PDE7B: variants seen among roughly 807,000 people sequenced by gnomAD.
PDE7B encodes phosphodiesterase 7B, also known as 3',5'-cyclic-AMP phosphodiesterase 7B.
A neutral mutation model predicts 56.2 loss-of-function variants in PDE7B; 29 were observed. The ratio of observed to expected loss-of-function variants is 0.52; its 90% CI spans 0.38 to 0.70. The LOEUF is 0.70. Ranked by LOEUF, PDE7B falls within the 30% of genes least tolerant of loss-of-function variation. The pLI, the probability that PDE7B is intolerant of heterozygous loss-of-function variation, is 0.00. For synonymous variants in PDE7B, 197 were observed against 196.9 expected (o/e 1.00, Z 0.00); for missense variants, 490 against 565.0 (o/e 0.87, Z 1.35).
chr6:136,039,860 G>A (rs574560327), intron 2 of PDE7B, among the ~76,000 whole-genome samples: 3 of 152,226 alleles, frequency 2.0e-5, no homozygotes, highest in South Asian at 4.2e-4. Context: ...ATTTTACTCT[G>A]ACACTTCAAC....
chr6:136,147,365 G>C lies in PDE7B; in HGVS notation c.181G>C (p.Gly61Arg), dbSNP rs768406151. The C allele has an allele frequency of 6.2e-7, 1 of 1,612,160 alleles. No individual in the cohort carries two copies. The highest frequency in any genetic ancestry group is 8.5e-7 in the Non-Finnish European group (1 of 1,178,574). The change falls in exon 4 of 13, where the codon GGG becomes CGG. Residue 61 changes from glycine (G) to arginine (R), a missense_variant. Physicochemically the swap from Gly to Arg is moderately radical, Grantham distance 125. Transcript: ENST00000308191. ...FRLLNSTTYS[G>R]EIGTKKKVKR... is the part of the protein sequence containing the mutation. ...ACTTTCCACAGGTACAACATACTCAGGGGAGATTGGCACCAAGAAAAAGGT... is the reference window on the plus strand; with the variant it reads ...ACTTTCCACAGGTACAACATACTCACGGGAGATTGGCACCAAGAAAAAGGT...
At chr6:135,965,014 G>A (rs562824037) in intron 2 of PDE7B, among the ~76,000 whole-genome samples, 18 of 152,226 alleles carry the variant, frequency 1.2e-4, no homozygotes, top group East Asian at 9.7e-4. Flanking sequence ...GGTGGCGTGC[G>A]CCTATAATCC....
At chr6:136,040,459 A>T (rs1355642323) in intron 2 of PDE7B, among the ~76,000 whole-genome samples, 2 of 152,038 alleles carry the variant, frequency 1.3e-5, no homozygotes, top group Admixed American at 1.3e-4. Context: ...TTCCTTACTC[A>T]TCCTATTCCT....
intron 2 of PDE7B, among the ~76,000 whole-genome samples, chr6:135,956,947 T>A (rs1774807424): frequency 6.6e-6 from 1 of 151,954 alleles, no homozygotes; most frequent in Non-Finnish European, 1.5e-5. Flanking sequence ...GTGGAGGATA[T>A]GACAGTACCT....
chr6:135,983,725 G>A (rs1031276438), intron 2 of PDE7B, among the ~76,000 whole-genome samples: 3 of 152,184 alleles, frequency 2.0e-5, no homozygotes, highest in Admixed American at 1.3e-4. Context: ...ATTCTCTGCA[G>A]TCTATGTAAG....
At position 136,090,430 on chromosome 6, in the gene PDE7B, A is replaced by G. The variant is rs1021060253; in HGVS notation, c.83-18301A>G. Among the ~76,000 whole-genome samples the G allele has an allele frequency of 2.0e-5, 3 of 152,356 alleles. No individual in the cohort carries two copies. The East Asian group carries it at 5.8e-4, about 29-fold the overall frequency. On this transcript the variant is annotated intron_variant, in intron 2 of 12. Coordinates refer to ENST00000308191, the MANE Select transcript of PDE7B (RefSeq NM_018945.4). ...ATGGCTTCCCAGATGCTATTAAAAT[A>G]GGCTTTGCATCATGACCTGGTTTTT...
Position 136,172,947 on chromosome 6 carries a change from G to A in PDE7B, c.712-850G>A, listed in dbSNP as rs796292709. ...AATACCTAGGAATCCAACTTACAAG[G>A]GACGTGAAGGACCTCTTCAAGGAGA... On this transcript the variant is annotated intron_variant, in intron 8 of 12. Transcript: ENST00000308191. Among the ~76,000 whole-genome samples, 34 of 151,946 alleles carry A rather than the reference G, an allele frequency of 2.2e-4. No homozygotes were observed. The East Asian group carries it at 4.6e-3, about 21-fold the overall frequency.
chr6:136,155,666 C>T lies in PDE7B; in HGVS notation c.619C>T (p.Leu207=), dbSNP rs747972812. The T allele has an allele frequency of 6.2e-7, 1 of 1,613,534 alleles. No homozygotes were observed. Among genetic ancestry groups the T allele is most frequent in the Non-Finnish European group, 8.5e-7 (1 of 1,179,518 alleles). The change falls in exon 8 of 13, where the codon CTG becomes TTG. Residue 207 remains leucine (L), a synonymous_variant. Transcript: ENST00000308191. ...FLTPLDIMLG[L]LAAAAHDVDH... ...CACGCCTCTGGACATCATGCTTGGA[C>T]TGCTGGCTGCAGCAGCACACGATGT...
chr6:136,130,988 C>T lies in PDE7B; in HGVS notation c.167-16363C>T, dbSNP rs112697547. The stretch of plus-strand genomic sequence containing the variant: ...ATCTCCCACCGGGTCCCTCCCACAA[C>T]ATGTGGGAATTATGGGAGCTACAAT... On this transcript the variant is annotated intron_variant, in intron 3 of 12. Transcript: ENST00000308191. Among the ~76,000 whole-genome samples the T allele has an allele frequency of 2.9e-3, 448 of 152,288 alleles. 1 individual carries two copies. Among genetic ancestry groups the T allele is most frequent in the African/African-American group, 1.0e-2 (415 of 41,576 alleles).
intron 2 of PDE7B, among the ~76,000 whole-genome samples, chr6:136,015,423 A>G (rs975674826): frequency 1.3e-5 from 2 of 152,238 alleles, no homozygotes; most frequent in South Asian, 2.1e-4. Context: ...CCTGAATAAT[A>G]TCTCTTTTTA....
intron 9 of PDE7B, among the ~76,000 whole-genome samples, chr6:136,178,498 G>C (rs1221584940): frequency 6.6e-6 from 1 of 152,110 alleles, no homozygotes; most frequent in Non-Finnish European, 1.5e-5. Flanking sequence ...TTTTGTGTTT[G>C]AAGTTCCAGA....
At chr6:135,950,878 T>C (rs1414591444) in intron 2 of PDE7B, among the ~76,000 whole-genome samples, 1 of 152,184 alleles carries the variant, frequency 6.6e-6, no homozygotes, top group East Asian at 1.9e-4. Context: ...ACTCATTCCG[T>C]TAAATGAGAC....
intron 2 of PDE7B, among the ~76,000 whole-genome samples, chr6:136,101,771 C>T (rs1562493336): frequency 6.6e-6 from 1 of 152,186 alleles, no homozygotes; most frequent in Non-Finnish European, 1.5e-5. Context: ...TCTACATCTT[C>T]CTGTAGTCTA....
chr6:136,121,092 G>T (rs772906787), intron 3 of PDE7B, among the ~76,000 whole-genome samples: 36 of 152,110 alleles, frequency 2.4e-4, no homozygotes, highest in South Asian at 1.2e-3. Flanking sequence ...CCTGTCCCTC[G>T]GTGTCTGGGC....
chr6:136,043,681 C>T (rs1347072719), intron 2 of PDE7B, among the ~76,000 whole-genome samples: 1 of 150,808 alleles, frequency 6.6e-6, no homozygotes, highest in African/African-American at 2.4e-5. Flanking sequence ...TTTTTCTCAA[C>T]AACTTCTCTC....
chr6:135,853,146 A>C (rs1176254489), intron 1 of PDE7B, among the ~76,000 whole-genome samples: 1 of 152,200 alleles, frequency 6.6e-6, no homozygotes, highest in East Asian at 1.9e-4. Flanking sequence ...GATTATTTGA[A>C]ATCCTTACCC....
chr6:135,915,663 C>A (rs1773908893), intron 1 of PDE7B, among the ~76,000 whole-genome samples: 2 of 152,174 alleles, frequency 1.3e-5, no homozygotes, highest in Non-Finnish European at 2.9e-5. Context: ...CAGGTATAGA[C>A]CCATGCCAGG....
chr6:136,172,208 G>T (rs1244870373), intron 8 of PDE7B, among the ~76,000 whole-genome samples: 2 of 152,100 alleles, frequency 1.3e-5, no homozygotes, highest in Non-Finnish European at 1.5e-5. Context: ...TTGAGGAATC[G>T]CCACACTGAC....
At chr6:135,886,728 T>C (rs901613621) in intron 1 of PDE7B, among the ~76,000 whole-genome samples, 4 of 152,298 alleles carry the variant, frequency 2.6e-5, no homozygotes, top group Middle Eastern at 6.8e-3. Flanking sequence ...TAGTATTCCA[T>C]AGTGTATATA....
Sources: gnomAD v4.1 joint callset for allele counts (sites outside exome capture counted in the v4.1 genomes callset) on GRCh38, gnomAD v4.1.1 for gene constraint, MANE v1.5 for transcripts, NCBI Gene and HGNC (gene_info 2026-07-23, HGNC 2026-07-21) for gene names.